Variants in CHSY3 observed in about 807,000 individuals in gnomAD.
The protein encoded by CHSY3 is N-acetylgalactosaminyl-proteoglycan 3-beta-glucuronosyltransferase 3.
Under a neutral mutation model 67.2 loss-of-function variants are expected in CHSY3, and 35 were observed. The ratio of observed to expected loss-of-function variants is 0.52; its 90% CI spans 0.40 to 0.69. CHSY3 has a LOEUF of 0.69. Among genes scored for constraint, CHSY3 ranks in the 30% least tolerant of loss-of-function variants. The pLI is 0.00. For missense variants in CHSY3, 1,069 were observed against 1,138.5 expected, an observed-to-expected ratio of 0.94 and a Z score of 0.88; for synonymous variants, 474 against 434.7, an observed-to-expected ratio of 1.09 and a Z score of -1.12.
intron 2 of CHSY3, among the ~76,000 whole-genome samples, chr5:129,957,244 G>A (rs1424399971): frequency 1.3e-5 from 2 of 152,016 alleles, no homozygotes; most frequent in Non-Finnish European, 2.9e-5. Flanking sequence ...ATGGGATTGT[G>A]TTCCTGATTT....
chr5:130,066,647 T>G (rs1219341501), intron 2 of CHSY3, among the ~76,000 whole-genome samples: 1 of 152,150 alleles, frequency 6.6e-6, no homozygotes, highest in African/African-American at 2.4e-5. Context: ...CTATCTCTAT[T>G]GTTATTACTT....
intron 2 of CHSY3, among the ~76,000 whole-genome samples, chr5:130,006,220 T>A (rs530613662): frequency 1.3e-5 from 2 of 152,270 alleles, no homozygotes; most frequent in East Asian, 3.9e-4. Flanking sequence ...AGTAGGAATC[T>A]GGGTAAAGTT....
At chr5:130,085,414 T>C (rs1176631600) in intron 2 of CHSY3, among the ~76,000 whole-genome samples, 1 of 152,084 alleles carries the variant, frequency 6.6e-6, no homozygotes, top group Admixed American at 6.6e-5. Context: ...CAGAGCATCT[T>C]CTATCTTGGT....
At chr5:130,020,420 AAAAT>A (rs1199209685) in intron 2 of CHSY3, among the ~76,000 whole-genome samples, 10 of 59,198 alleles carry the variant, frequency 1.7e-4, no homozygotes, top group African/African-American at 5.8e-4. Context: ...ACTTCATCTC[AAAAT>A]ATATATATAT....
At chr5:130,160,561 C>T (rs780730902) in intron 2 of CHSY3, among the ~76,000 whole-genome samples, 3 of 152,194 alleles carry the variant, frequency 2.0e-5, no homozygotes, top group Admixed American at 6.5e-5. Flanking sequence ...CTGGTGTCCT[C>T]GGCATTTGGA....
intron 2 of CHSY3, among the ~76,000 whole-genome samples, chr5:130,143,788 A>ATG (rs1768970778): frequency 6.3e-5 from 3 of 47,384 alleles, no homozygotes; most frequent in Admixed American, 2.9e-4. Flanking sequence ...ATATGTGTAT[A>ATG]TATATATATA....
intron 2 of CHSY3, among the ~76,000 whole-genome samples, chr5:130,180,742 C>T (rs780043131): frequency 6.6e-6 from 1 of 151,764 alleles, no homozygotes; most frequent in Non-Finnish European, 1.5e-5. Context: ...TAAGTCCTAG[C>T]TACTCAGGAG....
intron 2 of CHSY3, among the ~76,000 whole-genome samples, chr5:129,936,260 A>G (rs1313548271): frequency 1.3e-5 from 2 of 152,236 alleles, no homozygotes; most frequent in African/African-American, 4.8e-5. Flanking sequence ...GTGGCATGTT[A>G]GGATTCTTGG....
chr5:130,047,944 C>CT (rs919801942), intron 2 of CHSY3, among the ~76,000 whole-genome samples: 1 of 147,224 alleles, frequency 6.8e-6, no homozygotes, highest in African/African-American at 2.7e-5. Flanking sequence ...GAGTATCAAC[C>CT]TTTTTTTTCC....
chr5:130,047,451 T>C (rs2149669071), intron 2 of CHSY3, among the ~76,000 whole-genome samples: 1 of 152,174 alleles, frequency 6.6e-6, no homozygotes, highest in South Asian at 2.1e-4. Context: ...AGTTAAATAC[T>C]ACATTGTAGG....
chr5:129,947,461 A>G (rs1032131432), intron 2 of CHSY3, among the ~76,000 whole-genome samples: 4 of 151,932 alleles, frequency 2.6e-5, no homozygotes, highest in Non-Finnish European at 5.9e-5. Flanking sequence ...CATCTCTACT[A>G]AAAATACAAA....
intron 2 of CHSY3, among the ~76,000 whole-genome samples, chr5:130,179,163 A>T (rs1770170804): frequency 6.6e-6 from 1 of 152,218 alleles, no homozygotes; most frequent in Non-Finnish European, 1.5e-5. Context: ...TTTATTCAGA[A>T]GTTGACTTGA....
At chr5:130,020,461 A>ATATATATATATATATT (rs1371121130) in intron 2 of CHSY3, among the ~76,000 whole-genome samples, 18 of 79,874 alleles carry the variant, frequency 2.3e-4, no homozygotes, top group Non-Finnish European at 3.6e-4. Context: ...ATATATATAT[A>ATATATATATATATATT]TTTTTTTTTT....
chr5:130,060,998 T>C (rs1765693843), intron 2 of CHSY3, among the ~76,000 whole-genome samples: 1 of 152,090 alleles, frequency 6.6e-6, no homozygotes, highest in East Asian at 1.9e-4. Flanking sequence ...CCTAAAGCAA[T>C]CTATAGACTC....
At chr5:130,166,399 T>C (rs1769748755) in intron 2 of CHSY3, among the ~76,000 whole-genome samples, 1 of 152,144 alleles carries the variant, frequency 6.6e-6, no homozygotes, top group Admixed American at 6.5e-5. Context: ...TTTTCCGTTA[T>C]GTAAATTACT....
Position 130,110,273 on chromosome 5 carries a change from A to C in CHSY3, c.1087-73956A>C, listed in dbSNP as rs148890108. Among the ~76,000 whole-genome samples the C allele has an allele frequency of 5.9e-5, 9 of 152,038 alleles. No individual in the cohort carries two copies. In the East Asian group the frequency reaches 1.7e-3, roughly 29 times the overall value. Reference sequence around the variant, plus strand: ...AATTTCCTGACAACAAAATTTGACTAAAGCTTTGCCTTTAGTCAAAATTTC... The same window carrying C: ...AATTTCCTGACAACAAAATTTGACTCAAGCTTTGCCTTTAGTCAAAATTTC... On this transcript the variant is annotated intron_variant, in intron 2 of 2. Transcript: ENST00000305031.
chr5:130,058,151 T>C (rs1007164352), intron 2 of CHSY3, among the ~76,000 whole-genome samples: 6 of 152,196 alleles, frequency 3.9e-5, no homozygotes, highest in Admixed American at 2.0e-4. Context: ...TTCTTCTTTC[T>C]GTATTGTCAC....
intron 2 of CHSY3, among the ~76,000 whole-genome samples, chr5:129,974,731 T>C (rs1477442373): frequency 1.3e-5 from 2 of 152,214 alleles, no homozygotes; most frequent in South Asian, 2.1e-4. Flanking sequence ...GCACAGCACA[T>C]TGAAAATGTC....
intron 2 of CHSY3, among the ~76,000 whole-genome samples, chr5:130,004,556 T>C (rs1391247634): frequency 6.6e-6 from 1 of 152,180 alleles, no homozygotes; most frequent in Non-Finnish European, 1.5e-5. Context: ...ATCTACTAAA[T>C]GAGGAAAGAG....
Sources: gnomAD v4.1 joint callset for allele counts (sites outside exome capture counted in the v4.1 genomes callset) on GRCh38, gnomAD v4.1.1 for gene constraint, MANE v1.5 for transcripts, NCBI Gene and HGNC (gene_info 2026-07-23, HGNC 2026-07-21) for gene names.